Variants in DYNC1I2 observed in about 807,000 individuals in gnomAD.
DYNC1I2 encodes the protein cytoplasmic dynein 1 intermediate chain 2.
Under a neutral mutation model 88.6 loss-of-function variants are expected in DYNC1I2, and 53 were observed. That is an observed-to-expected ratio of 0.60 (90% CI 0.48 to 0.75). The LOEUF is 0.75. DYNC1I2 is among the 30% of genes least tolerant of loss of function. The pLI is 0.00. For missense variants in DYNC1I2, 458 were observed against 766.6 expected (o/e 0.60, Z 4.75); for synonymous variants, 198 against 254.6 (o/e 0.78, Z 2.12).
chr2:171,742,605 A>G (rs1296515117), intron 15 of DYNC1I2, among the ~76,000 whole-genome samples: 4 of 152,070 alleles, frequency 2.6e-5, no homozygotes, highest in Non-Finnish European at 4.4e-5. Context: ...TTTCTTTGCT[A>G]TTGTCTACTA....
At chr2:171,727,990 AT>A (rs1688358196) in intron 12 of DYNC1I2, 23 bp downstream of exon 12, 2 of 1,608,054 alleles carry the variant, frequency 1.2e-6, no homozygotes, top group South Asian at 2.2e-5. Context: ...GGTTATTTCC[AT>A]TAGGCTTCTG....
chr2:171,720,360 T>A (rs1267559334), intron 7 of DYNC1I2, among the ~76,000 whole-genome samples: 2 of 152,248 alleles, frequency 1.3e-5, no homozygotes, highest in African/African-American at 4.8e-5. Context: ...TTAATATATG[T>A]GATTATCTTG....
At chr2:171,722,009 C>G (rs1574583759) in intron 7 of DYNC1I2, among the ~76,000 whole-genome samples, 2 of 152,170 alleles carry the variant, frequency 1.3e-5, no homozygotes, top group Middle Eastern at 3.4e-3. Flanking sequence ...GTGGCATACT[C>G]TTAGCTTATC....
At chr2:171,708,830 C>T (rs1686883943) in intron 5 of DYNC1I2, among the ~76,000 whole-genome samples, 1 of 152,004 alleles carries the variant, frequency 6.6e-6, no homozygotes, top group African/African-American at 2.4e-5. Flanking sequence ...GTAGCTGGGA[C>T]TGCAGGCACG....
chr2:171,707,641 T>C (rs1385103708), intron 5 of DYNC1I2, among the ~76,000 whole-genome samples: 1 of 152,172 alleles, frequency 6.6e-6, no homozygotes, highest in Non-Finnish European at 1.5e-5. Context: ...ATATTAAAAA[T>C]AGAGATATTA....
intron 5 of DYNC1I2, among the ~76,000 whole-genome samples, chr2:171,710,270 T>A (rs934132849): frequency 1.4e-4 from 21 of 152,146 alleles, no homozygotes; most frequent in African/African-American, 3.9e-4. Flanking sequence ...TTTCTAAATA[T>A]GTGACATTTA....
chr2:171,717,782 A>T (rs1317610621), intron 7 of DYNC1I2, among the ~76,000 whole-genome samples: 4 of 152,132 alleles, frequency 2.6e-5, no homozygotes, highest in African/African-American at 9.7e-5. Flanking sequence ...TGACTCATTT[A>T]AAAAAATAAA....
intron 7 of DYNC1I2, among the ~76,000 whole-genome samples, chr2:171,716,454 A>C (rs1169112166): frequency 6.6e-6 from 1 of 152,168 alleles, no homozygotes; most frequent in Non-Finnish European, 1.5e-5. Flanking sequence ...TTAAATTTTT[A>C]ATTAAATTAC....
At chr2:171,708,301 A>G (rs1359938387) in intron 5 of DYNC1I2, among the ~76,000 whole-genome samples, 1 of 152,170 alleles carries the variant, frequency 6.6e-6, no homozygotes, top group Admixed American at 6.5e-5. Flanking sequence ...TGAAGTTACA[A>G]ACCAGTAATA....
chr2:171,744,354 T>C (rs1227965289), intron 16 of DYNC1I2, among the ~76,000 whole-genome samples, 165 bp downstream of exon 16: 3 of 152,234 alleles, frequency 2.0e-5, no homozygotes, highest in Non-Finnish European at 1.5e-5. Flanking sequence ...ATAAACAGCA[T>C]GCTGCGAAGA....
chr2:171,734,323 G>C (rs1688855358), intron 15 of DYNC1I2, among the ~76,000 whole-genome samples: 1 of 152,180 alleles, frequency 6.6e-6, no homozygotes, highest in Admixed American at 6.5e-5. Flanking sequence ...CTTATCTTGT[G>C]ATAGCAGACT....
chr2:171,694,740 C>T (rs1477105728), intron 3 of DYNC1I2, among the ~76,000 whole-genome samples: 1 of 152,166 alleles, frequency 6.6e-6, no homozygotes, highest in East Asian at 1.9e-4. Context: ...GTGGCAAGGC[C>T]TCAGGAAGCT....
chr2:171,698,396 A>AT (rs1685944526), intron 3 of DYNC1I2, among the ~76,000 whole-genome samples: 3 of 151,430 alleles, frequency 2.0e-5, no homozygotes, highest in South Asian at 4.2e-4. Context: ...TCTTTTTTTT[A>AT]TTTTTTGAGA....
At position 171,725,598 on chromosome 2, in the gene DYNC1I2, GTTTTT is replaced by G. The variant is rs746910264; in HGVS notation, c.512-8_512-4del. The G allele has an allele frequency of 2.2e-5, 20 of 895,054 alleles. No homozygotes were observed. Among genetic ancestry groups the G allele is most frequent in the South Asian group, 4.7e-5 (2 of 43,004 alleles). The allele number at this position is 895,054 out of a possible 1,614,324, so 55.4% of individuals were successfully genotyped here. A position where few individuals can be genotyped will look rare whatever the true frequency, so the allele number is the denominator to read the frequency against. On this transcript the variant is annotated splice_polypyrimidine_tract_variant and intron_variant, in intron 7 of 17. Coordinates refer to ENST00000397119, the MANE Select transcript of DYNC1I2 (RefSeq NM_001378.3). ...ATTCTGTTTTTTTGTTTTTTTGTTT[GTTTTT>G]TTTTTTTTTTTCAGATGAAGAGGAA...
At chr2:171,728,113 ATT>A (rs921949422) in intron 12 of DYNC1I2, 146 bp downstream of exon 12, 65 of 849,562 alleles carry the variant, frequency 7.7e-5, no homozygotes, top group Non-Finnish European at 8.3e-5. Context: ...AATGAAGGCT[ATT>A]TTTTTTTTTG....
chr2:171,735,230 C>G (rs4366868), intron 15 of DYNC1I2, among the ~76,000 whole-genome samples: 3 of 152,226 alleles, frequency 2.0e-5, no homozygotes, highest in Non-Finnish European at 2.9e-5. Context: ...CAATCTACTT[C>G]TACAGCTAGC....
At chr2:171,689,122 T>TAGCC (rs1039172932) in intron 1 of DYNC1I2, among the ~76,000 whole-genome samples, 8 of 152,336 alleles carry the variant, frequency 5.3e-5, no homozygotes, top group Admixed American at 6.5e-5. Flanking sequence ...CATTATTCAT[T>TAGCC]AGCCAGTGTC....
At chr2:171,727,054 A>C in intron 11 of DYNC1I2, 138 bp downstream of exon 11, 1 of 924,306 alleles carries the variant, frequency 1.1e-6, no homozygotes, top group Non-Finnish European at 1.5e-6. Context: ...ATATTTGCAA[A>C]CAGATGTTAA....
At chr2:171,743,058 C>T (rs1559409679) in intron 15 of DYNC1I2, among the ~76,000 whole-genome samples, 1 of 152,166 alleles carries the variant, frequency 6.6e-6, no homozygotes, top group African/African-American at 2.4e-5. Flanking sequence ...TTCCAAAAAA[C>T]TTAACTACTA....
Sources: gnomAD v4.1 joint callset for allele counts (sites outside exome capture counted in the v4.1 genomes callset) on GRCh38, gnomAD v4.1.1 for gene constraint, MANE v1.5 for transcripts, NCBI Gene and HGNC (gene_info 2026-07-23, HGNC 2026-07-21) for gene names.